Variants in NR2F1-AS1 observed in about 807,000 individuals in gnomAD.
The protein encoded by NR2F1-AS1 is NR2F1 regulatory antisense RNA 1.
At chr5:93,434,841 T>A (rs952044711) in intron 4 of NR2F1-AS1, among the ~76,000 whole-genome samples, 1 of 152,158 alleles carries the variant, frequency 6.6e-6, no homozygotes, top group Non-Finnish European at 1.5e-5. Flanking sequence ...TAATTAGATT[T>A]AGGTTACATA....
chr5:93,535,356 A>AC (rs1751817743), intron 4 of NR2F1-AS1, among the ~76,000 whole-genome samples: 1 of 151,642 alleles, frequency 6.6e-6, no homozygotes, highest in East Asian at 1.9e-4. Flanking sequence ...AATAATAAAT[A>AC]TAAAAAATTT....
intron 4 of NR2F1-AS1, among the ~76,000 whole-genome samples, chr5:93,489,004 A>T (rs765848896): frequency 1.3e-5 from 2 of 152,162 alleles, no homozygotes; most frequent in African/African-American, 2.4e-5. Flanking sequence ...AGGAACAGAA[A>T]ACCAAACACC....
At chr5:93,515,861 A>G (rs1286056109) in intron 4 of NR2F1-AS1, among the ~76,000 whole-genome samples, 1 of 151,934 alleles carries the variant, frequency 6.6e-6, no homozygotes, top group African/African-American at 2.4e-5. Flanking sequence ...ATGGTTAAAC[A>G]TAAGGTAATA....
At position 93,579,029 on chromosome 5, in the gene NR2F1-AS1, T is replaced by A. The variant is rs1752959514; in HGVS notation, n.313+1438A>T. On this transcript the variant is annotated intron_variant and non_coding_transcript_variant, in intron 1 of 5. Coordinates refer to ENST00000660523, the Ensembl canonical transcript of NR2F1-AS1. This position sits in a 1 kb window ranked among gnomAD's most constrained non-coding sequence, Gnocchi z 5.1. ...AAGACATTTTTGCTGGAGGCAGGGC[T>A]ATGAGCACAAGTGGGGCGCCCTGTG... is the stretch of plus-strand genomic sequence containing the variant. Among the ~76,000 whole-genome samples, 1 of 152,142 alleles carries A rather than the reference T, an allele frequency of 6.6e-6. No homozygotes were observed. The highest frequency in any genetic ancestry group is 1.5e-5 in the Non-Finnish European group (1 of 68,024).
At chr5:93,522,876 A>C (rs1050529852) in intron 4 of NR2F1-AS1, among the ~76,000 whole-genome samples, 1 of 152,116 alleles carries the variant, frequency 6.6e-6, no homozygotes, top group East Asian at 1.9e-4. Context: ...TTGGCTGCCA[A>C]CACCACCAGG....
intron 4 of NR2F1-AS1, among the ~76,000 whole-genome samples, chr5:93,498,718 A>G (rs910617367): frequency 2.0e-5 from 3 of 152,188 alleles, no homozygotes; most frequent in Non-Finnish European, 4.4e-5. Flanking sequence ...GGAAGACACA[A>G]GTTAGAAGAG....
At chr5:93,512,118 T>C (rs552341170) in intron 4 of NR2F1-AS1, among the ~76,000 whole-genome samples, 12 of 152,326 alleles carry the variant, frequency 7.9e-5, no homozygotes, top group African/African-American at 2.9e-4. Context: ...GGCATTATTA[T>C]CATAGAAGAT....
At chr5:93,436,848 T>C (rs1454820562) in intron 4 of NR2F1-AS1, among the ~76,000 whole-genome samples, 1 of 152,148 alleles carries the variant, frequency 6.6e-6, no homozygotes, top group Non-Finnish European at 1.5e-5. Flanking sequence ...CCTGACTACC[T>C]GGTCCACTTA....
intron 2 of NR2F1-AS1, among the ~76,000 whole-genome samples, chr5:93,563,171 T>C (rs1752533701): frequency 6.6e-6 from 1 of 152,250 alleles, no homozygotes; most frequent in Non-Finnish European, 1.5e-5. Context: ...GGATTATATA[T>C]GGGCAAGAAA....
At chr5:93,557,312 A>G (rs1415537199) in intron 2 of NR2F1-AS1, among the ~76,000 whole-genome samples, 1 of 152,196 alleles carries the variant, frequency 6.6e-6, no homozygotes, top group African/African-American at 2.4e-5. Context: ...ATTGGTATAG[A>G]CCAGGAATGG....
In NR2F1-AS1 at chr5:93,428,374, C is replaced by A. The variant is rs1037074662; in HGVS notation, n.639-32832G>T. ...AAGCACCAAATTATATTAATATAAA[C>A]CTTCCATAAATAATGTTCACAGCAG... On this transcript the variant is annotated intron_variant and non_coding_transcript_variant, in intron 4 of 5. Transcript: ENST00000660523. Among the ~76,000 whole-genome samples the A allele has an allele frequency of 2.0e-5, 3 of 152,250 alleles. No individual in the cohort carries two copies. In the East Asian group the frequency reaches 5.8e-4, roughly 29 times the overall value.
At chr5:93,457,754 T>C (rs1048400842) in intron 4 of NR2F1-AS1, among the ~76,000 whole-genome samples, 33 of 152,104 alleles carry the variant, frequency 2.2e-4, no homozygotes, top group Admixed American at 3.9e-4. Context: ...GGCTTTTTTT[T>C]TTTAGCTAAC....
chr5:93,470,521 T>C (rs1750343953), intron 4 of NR2F1-AS1, among the ~76,000 whole-genome samples: 1 of 150,972 alleles, frequency 6.6e-6, no homozygotes, highest in Admixed American at 6.6e-5. Context: ...AGCATATCTA[T>C]ATATATATAT....
intron 4 of NR2F1-AS1, among the ~76,000 whole-genome samples, chr5:93,495,639 T>A (rs1185489503): frequency 6.6e-6 from 1 of 152,004 alleles, no homozygotes; most frequent in Admixed American, 6.6e-5. Flanking sequence ...GAAAAAAAAA[T>A]TGGACCTCAA....
intron 4 of NR2F1-AS1, among the ~76,000 whole-genome samples, chr5:93,509,228 G>T (rs1751246968): frequency 6.6e-6 from 1 of 152,098 alleles, no homozygotes; most frequent in Non-Finnish European, 1.5e-5. Context: ...TCCAGAATGT[G>T]TACAGCATGA....
chr5:93,540,778 C>T (rs1300220801), intron 4 of NR2F1-AS1, among the ~76,000 whole-genome samples: 1 of 152,106 alleles, frequency 6.6e-6, no homozygotes, highest in Non-Finnish European at 1.5e-5. Flanking sequence ...CAAGTGTACA[C>T]TTTGCCACTG....
At chr5:93,506,090 T>C (rs1428354888) in intron 4 of NR2F1-AS1, among the ~76,000 whole-genome samples, 1 of 152,194 alleles carries the variant, frequency 6.6e-6, no homozygotes. Flanking sequence ...AAATTTCTTC[T>C]TCCAGATACC....
At chr5:93,514,317 A>G (rs986686102) in intron 4 of NR2F1-AS1, among the ~76,000 whole-genome samples, 1 of 152,148 alleles carries the variant, frequency 6.6e-6, no homozygotes, top group African/African-American at 2.4e-5. Context: ...CTAAATCCAA[A>G]TGAAAAAGGA....
chr5:93,521,803 C>G (rs144388992), intron 4 of NR2F1-AS1, among the ~76,000 whole-genome samples: 6 of 152,222 alleles, frequency 3.9e-5, no homozygotes, highest in African/African-American at 1.4e-4. Flanking sequence ...TGCAGTATGG[C>G]GATTCCTCAA....
Sources: allele counts gnomAD v4.1 joint callset (sites outside exome capture counted in the v4.1 genomes callset), GRCh38; gene constraint gnomAD v4.1.1; non-coding constraint Gnocchi (gnomAD v3.1); transcripts MANE v1.5; gene names NCBI Gene and HGNC (gene_info 2026-07-23, HGNC 2026-07-21).